SNX9: variants seen among roughly 807,000 people sequenced by gnomAD.
SNX9 encodes sorting nexin-9.
SNX9 carries 44 observed loss-of-function variants against 89.4 expected under a neutral mutation model. The ratio of observed to expected loss-of-function variants is 0.49; its 90% CI spans 0.39 to 0.63. SNX9 has a LOEUF of 0.63. SNX9 is among the 30% of genes least tolerant of loss of function. The pLI is 0.00. For missense variants in SNX9, 578 were observed against 736.1 expected, an observed-to-expected ratio of 0.79 and a Z score of 2.49; for synonymous variants, 236 against 247.8, an observed-to-expected ratio of 0.95 and a Z score of 0.45.
In SNX9 at chr6:157,930,327, G is replaced by A. The variant is rs1441539088; in HGVS notation, c.1288+1625G>A. 2.0e-5 allele frequency among the ~76,000 whole-genome samples: 3 copies of A among 152,174 alleles called. No individual in the cohort carries two copies. The East Asian group carries it at 5.8e-4, about 29-fold the overall frequency. On this transcript the variant is annotated intron_variant, in intron 12 of 17. Coordinates refer to ENST00000392185, the MANE Select transcript of SNX9 (RefSeq NM_016224.5). The stretch of plus-strand genomic sequence containing the variant: ...TATGATGCTGTATCCTAAATATATA[G>A]AATTAGCCCTGAGAAAATAATGTAT...
At chr6:157,903,138 C>T (rs1370437914) in intron 6 of SNX9, among the ~76,000 whole-genome samples, 1 of 152,164 alleles carries the variant, frequency 6.6e-6, no homozygotes, top group Admixed American at 6.5e-5. Context: ...TCAGAATTTT[C>T]AAGTACTCCT....
intron 15 of SNX9, 50 bp downstream of exon 15, chr6:157,937,573 A>G (rs1372389256): frequency 3.7e-5 from 44 of 1,180,080 alleles, no homozygotes; most frequent in Non-Finnish European, 5.3e-5. Context: ...TGAAGGAGGC[A>G]GATGTGCGCA....
chr6:157,929,698 CT>C (rs1453362803), intron 12 of SNX9, among the ~76,000 whole-genome samples: 1 of 152,008 alleles, frequency 6.6e-6, no homozygotes, highest in African/African-American at 2.4e-5. Flanking sequence ...GGGATCTGTT[CT>C]TGTAATGATT....
chr6:157,866,200 A>G (rs539127040), intron 1 of SNX9, among the ~76,000 whole-genome samples: 5 of 152,274 alleles, frequency 3.3e-5, no homozygotes, highest in Admixed American at 6.5e-5. Context: ...ACCCTGTCTC[A>G]AGGATCCTCT....
intron 5 of SNX9, among the ~76,000 whole-genome samples, chr6:157,898,736 C>G (rs1260208926): frequency 6.6e-6 from 1 of 152,084 alleles, no homozygotes; most frequent in East Asian, 1.9e-4. Flanking sequence ...ATTCCTGAAC[C>G]CTGTCTCCTC....
intron 16 of SNX9, among the ~76,000 whole-genome samples, chr6:157,940,080 G>A (rs1784005458): frequency 6.6e-6 from 1 of 152,202 alleles, no homozygotes; most frequent in Non-Finnish European, 1.5e-5. Context: ...AGCGTCGCTG[G>A]TGCTCAGGGG....
rs560606348 is a variant in SNX9 at position 157,911,054 on chromosome 6, G to A, written c.949+1029G>A. On this transcript the variant is annotated intron_variant, in intron 9 of 17. Coordinates refer to ENST00000392185, the MANE Select transcript of SNX9 (RefSeq NM_016224.5). ...CATGAACCCGGGAGGCAGAGGTTGC[G>A]GTGAGCCGAGATTGCGCCACCGCAC... is the stretch of plus-strand genomic sequence containing the variant. Among the ~76,000 whole-genome samples, 9 of 152,048 alleles carry A rather than the reference G, an allele frequency of 5.9e-5. No homozygotes were observed. The East Asian group carries it at 1.2e-3, about 20-fold the overall frequency.
intron 4 of SNX9, among the ~76,000 whole-genome samples, chr6:157,887,924 A>G (rs541133737): frequency 6.6e-6 from 1 of 152,214 alleles, no homozygotes; most frequent in East Asian, 1.9e-4. Context: ...GCTGGGCTCC[A>G]GAATGGTCCT....
intron 4 of SNX9, chr6:157,885,509 T>C (rs1198442031): frequency 6.6e-6 from 1 of 152,220 alleles, no homozygotes. Context: ...GGAAAAGAGT[T>C]AAATTTTTGT....
chr6:157,872,655 A>C (rs1004265440), intron 2 of SNX9: 1 of 152,662 alleles, frequency 6.6e-6, no homozygotes, highest in Non-Finnish European at 1.5e-5. Flanking sequence ...GTGCCAGAAG[A>C]GTCAGCTGAA....
At chr6:157,926,780 C>CA (rs71027371) in intron 10 of SNX9, among the ~76,000 whole-genome samples, 1,161 of 59,494 alleles carry the variant, frequency 0.02, 16 homozygotes, top group African/African-American at 0.031. Context: ...GACTCTGTCT[C>CA]AAAAAAAAAA....
Position 157,893,171 on chromosome 6 carries a change from C to G in SNX9, c.301-3656C>G, listed in dbSNP as rs529101609. Among the ~76,000 whole-genome samples, 18 of 152,300 alleles carry G rather than the reference C, an allele frequency of 1.2e-4. 1 individual carries two copies. The highest frequency in any genetic ancestry group is 4.1e-4 in the African/African-American group (17 of 41,568). ...AAGAAAACTGTAGAAGGAAGGGTTTCTCTTAGCTGAAGTGTGACTGCCAGG... is the reference window on the plus strand; with the variant it reads ...AAGAAAACTGTAGAAGGAAGGGTTTGTCTTAGCTGAAGTGTGACTGCCAGG... On this transcript the variant is annotated intron_variant, in intron 4 of 17. Coordinates refer to ENST00000392185, the MANE Select transcript of SNX9 (RefSeq NM_016224.5).
intron 1 of SNX9, among the ~76,000 whole-genome samples, chr6:157,841,866 T>G (rs904318176): frequency 2.0e-5 from 3 of 152,242 alleles, no homozygotes; most frequent in African/African-American, 7.2e-5. Flanking sequence ...CTATTTTAAC[T>G]TTTTATTTAT....
At chr6:157,879,114 T>C (rs957593301) in intron 4 of SNX9, among the ~76,000 whole-genome samples, 1 of 152,188 alleles carries the variant, frequency 6.6e-6, no homozygotes, top group African/African-American at 2.4e-5. Flanking sequence ...CGGTAATGTA[T>C]ATGAGTATTT....
intron 1 of SNX9, among the ~76,000 whole-genome samples, chr6:157,840,898 G>A (rs533115558): frequency 1.7e-4 from 26 of 152,228 alleles, no homozygotes; most frequent in African/African-American, 4.3e-4. Context: ...GGCTGTTACC[G>A]TTATGCTGTT....
intron 6 of SNX9, among the ~76,000 whole-genome samples, chr6:157,905,675 C>T (rs1251600189): frequency 2.0e-5 from 3 of 152,088 alleles, no homozygotes; most frequent in Non-Finnish European, 4.4e-5. Flanking sequence ...CAGGACAGCC[C>T]CTTTGGGACA....
At position 157,940,981 on chromosome 6, in the gene SNX9, G is replaced by A. The variant is rs1291853321; in HGVS notation, c.1740+7G>A. 1.9e-6 allele frequency: 3 copies of A among 1,613,336 alleles called. No individual in the cohort carries two copies. The highest frequency in any genetic ancestry group is 1.1e-5 in the South Asian group (1 of 91,040). On this transcript the variant is annotated splice_region_variant and intron_variant, in intron 17 of 17. Coordinates refer to ENST00000392185, the MANE Select transcript of SNX9 (RefSeq NM_016224.5). ...AGTGCAATTTTACGAAACGGTGAGT[G>A]GGCGTCCACGTGCCTTTCGCATGTG...
intron 4 of SNX9, among the ~76,000 whole-genome samples, chr6:157,884,480 C>G (rs1782690853): frequency 6.6e-6 from 1 of 152,034 alleles, no homozygotes; most frequent in Non-Finnish European, 1.5e-5. Flanking sequence ...GTGCTTATAC[C>G]TTCATTAACT....
At chr6:157,833,642 C>T (rs895353133) in intron 1 of SNX9, among the ~76,000 whole-genome samples, 1 of 152,178 alleles carries the variant, frequency 6.6e-6, no homozygotes, top group African/African-American at 2.4e-5. Context: ...ATTTTACCTG[C>T]CACCATGTGC....
Sources: gnomAD v4.1 joint callset for allele counts (sites outside exome capture counted in the v4.1 genomes callset) on GRCh38, gnomAD v4.1.1 for gene constraint, MANE v1.5 for transcripts, NCBI Gene and HGNC (gene_info 2026-07-23, HGNC 2026-07-21) for gene names.